The following THTPA variants were observed in gnomAD, a reference collection of about 807,000 sequenced individuals.
THTPA encodes the protein thiamine triphosphatase, also known as thiamine-triphosphatase.
A neutral mutation model predicts 16.5 loss-of-function variants in THTPA; 16 were observed. The ratio of observed to expected loss-of-function variants is 0.97; its 90% confidence interval spans 0.66 to 1.47. THTPA has a LOEUF of 1.47. Among genes scored for constraint, THTPA ranks in the 40% most tolerant of loss-of-function variants. The pLI is 0.00. For missense variants in THTPA, 281 were observed against 280.9 expected, an observed-to-expected ratio of 1.00 and a Z score of 0.00; for synonymous variants, 110 against 115.5, an observed-to-expected ratio of 0.95 and a Z score of 0.30.
chr14:23,517,793 C>T, the THTPA span, among the ~76,000 whole-genome samples: 4 of 152,132 alleles, frequency 2.6e-5, no homozygotes, highest in African/African-American at 7.2e-5. Flanking sequence ...CCCCTCTTGA[C>T]TGCCAGCAAC....
chr14:23,557,201 A>G lies in THTPA; in HGVS notation c.444A>G (p.Thr148=). Residue 148 remains threonine (T), a synonymous_variant, in exon 1 of 2, where the codon ACA becomes ACG. Transcript: ENST00000288014. ...EEPQLRVDLD[T]ADFGYAVGEV... is the part of the protein sequence containing the mutation. ...CACAGCTCAGGGTGGACTTGGATAC[A>G]GCCGACTTTGGCTACGCTGTGGGTG... is the stretch of plus-strand genomic sequence containing the variant. 1 of 1,614,076 alleles carries G rather than the reference A, an allele frequency of 6.2e-7. No individual in the cohort carries two copies. Among genetic ancestry groups the G allele is most frequent in the Non-Finnish European group, 8.5e-7 (1 of 1,180,008 alleles).
the THTPA span, chr14:23,524,661 C>A: frequency 1.3e-6 from 2 of 1,536,280 alleles, no homozygotes; most frequent in Non-Finnish European, 1.7e-6. The surrounding 1 kb of genome is among the most constrained non-coding windows in gnomAD (Gnocchi z 5.6). Context: ...GATGGAGTAG[C>A]CTTCTCTTCA....
chr14:23,529,187 T>C, the THTPA span, among the ~76,000 whole-genome samples: 6 of 152,222 alleles, frequency 3.9e-5, no homozygotes, highest in Non-Finnish European at 7.3e-5. Context: ...TCCTGGGTGC[T>C]GCCTAGGTCT....
chr14:23,520,773 T>G, the THTPA span: 3 of 109,310 alleles, frequency 2.7e-5, no homozygotes, highest in Admixed American at 1.2e-4. This position sits in a 1 kb window ranked among gnomAD's most constrained non-coding sequence, Gnocchi z 8.7. Context: ...AAAGATGAGG[T>G]GGTTTAAAGA....
chr14:23,512,026 A>G, the THTPA span, among the ~76,000 whole-genome samples: 1 of 151,922 alleles, frequency 6.6e-6, no homozygotes, highest in South Asian at 2.1e-4. Flanking sequence ...TTCTAAGAAG[A>G]CTGGCTCTCC....
the THTPA span, chr14:23,532,886 T>A: frequency 6.5e-7 from 1 of 1,536,220 alleles, no homozygotes. Context: ...CCATTCAGCT[T>A]CCGGGAGGCT....
the THTPA span, chr14:23,526,204 C>T: frequency 6.5e-7 from 1 of 1,536,544 alleles, no homozygotes; most frequent in South Asian, 1.2e-5. Flanking sequence ...ACTTAAAGGG[C>T]TTGTCTGTGG....
At chr14:23,523,551 C>T in the THTPA span, 1 of 1,537,244 alleles carries the variant, frequency 6.5e-7, no homozygotes. The surrounding 1 kb of genome is among the most constrained non-coding windows in gnomAD (Gnocchi z 4.1). Flanking sequence ...CCAGTGCTCC[C>T]AGCGGCTGTC....
the THTPA span, chr14:23,528,793 C>T: frequency 1.0e-6 from 1 of 985,342 alleles, no homozygotes; most frequent in African/African-American, 1.7e-5. Context: ...TTCTCAGCCA[C>T]ACTTCCAGAG....
chr14:23,547,720 T>A, the THTPA span, among the ~76,000 whole-genome samples: 1 of 152,144 alleles, frequency 6.6e-6, no homozygotes, highest in Non-Finnish European at 1.5e-5. Flanking sequence ...TAATGTAGAC[T>A]TAGGTGGGGG....
chr14:23,523,306 C>A, the THTPA span: 1 of 1,448,860 alleles, frequency 6.9e-7, no homozygotes, highest in Non-Finnish European at 9.0e-7. The surrounding 1 kb of genome is among the most constrained non-coding windows in gnomAD (Gnocchi z 4.1). Flanking sequence ...CCCCGAGGGG[C>A]ATGGAGGCAG....
chr14:23,530,532 A>C, the THTPA span: 1 of 513,978 alleles, frequency 1.9e-6, no homozygotes, highest in Non-Finnish European at 3.7e-6. Flanking sequence ...AGAGAAATGT[A>C]GTAGGAGGGG....
chr14:23,536,274 C>T, the THTPA span, among the ~76,000 whole-genome samples: 1 of 152,202 alleles, frequency 6.6e-6, no homozygotes, highest in Non-Finnish European at 1.5e-5. Flanking sequence ...AAAACAATGC[C>T]TGCCACAGTC....
At chr14:23,522,800 GT>G in the THTPA span, 8 of 1,536,326 alleles carry the variant, frequency 5.2e-6, no homozygotes, top group Non-Finnish European at 6.1e-6. Context: ...GACAGGGTCA[GT>G]GGTGCCTGCT....
chr14:23,554,846 G>C (rs1300615693), upstream of THTPA, among the ~76,000 whole-genome samples: 1 of 152,146 alleles, frequency 6.6e-6, no homozygotes, highest in Admixed American at 6.5e-5. Flanking sequence ...CGGTTCCTCA[G>C]GGAGCTTCCT....
At chr14:23,547,157 A>G in the THTPA span, among the ~76,000 whole-genome samples, 22,852 of 152,202 alleles carry the variant, frequency 0.15, 1,844 homozygotes, top group African/African-American at 0.19. Context: ...TCTTTCAACA[A>G]TGGAGAGTCA....
the THTPA span, among the ~76,000 whole-genome samples, chr14:23,537,848 C>T: frequency 2.0e-5 from 3 of 152,148 alleles, no homozygotes; most frequent in Non-Finnish European, 4.4e-5. Context: ...TGGGCCACAC[C>T]GCCCTTCCAC....
Position 23,557,220 on chromosome 14 carries a change from G to A in THTPA, c.463G>A (p.Val155Met). 1.2e-6 allele frequency: 2 copies of A among 1,613,728 alleles called. No individual in the cohort carries two copies. Among genetic ancestry groups the A allele is most frequent in the African/African-American group, 1.3e-5 (1 of 75,048 alleles). ...DLDTADFGYAVGEVEALVHEE... is the reference protein window; with the variant it reads ...DLDTADFGYAMGEVEALVHEE... ...GGATACAGCCGACTTTGGCTACGCT[G>A]TGGGTGAGGTAGAGGCCCTGGTGCA... Residue 155 changes from valine (V) to methionine (M), a missense_variant, in exon 1 of 2, where the codon GTG becomes ATG. Val to Met is a conservative substitution (Grantham distance 21). Coordinates refer to ENST00000288014, the MANE Select transcript of THTPA (RefSeq NM_024328.6).
the THTPA span, chr14:23,524,649 G>A: frequency 6.5e-7 from 1 of 1,536,404 alleles, no homozygotes; most frequent in East Asian, 2.4e-5. The surrounding 1 kb of genome is among the most constrained non-coding windows in gnomAD (Gnocchi z 5.6). Flanking sequence ...GCTGGGGAAG[G>A]TGATGGAGTA....
Sources: gnomAD v4.1 joint callset for allele counts (sites outside exome capture counted in the v4.1 genomes callset) on GRCh38, gnomAD v4.1.1 for gene constraint, Gnocchi (gnomAD v3.1) non-coding constraint, MANE v1.5 for transcripts, NCBI Gene and HGNC (gene_info 2026-07-23, HGNC 2026-07-21) for gene names.